The following MYO7A variants were observed in gnomAD, a reference collection of about 807,000 sequenced individuals.
The protein encoded by MYO7A is myosin VIIA.
A neutral mutation model predicts 263.8 loss-of-function variants in MYO7A; 210 were observed. That is an observed-to-expected ratio of 0.80 (90% CI 0.71 to 0.89). The LOEUF (loss-of-function observed/expected upper bound fraction) is 0.89. Among genes scored for constraint, MYO7A ranks in the 40% least tolerant of loss-of-function variants. MYO7A has a pLI of 0.00. For synonymous variants in MYO7A, 1,239 were observed against 1,197.3 expected, an observed-to-expected ratio of 1.03 and a Z score of -0.72; for missense variants, 2,820 against 2,968.3, an observed-to-expected ratio of 0.95 and a Z score of 1.16.
In MYO7A at chr11:77,166,078, C is replaced by T; in HGVS notation, c.1713C>T (p.Asp571=). The T allele has an allele frequency of 6.2e-7, 1 of 1,613,822 alleles. No individual in the cohort carries two copies. Among genetic ancestry groups the T allele is most frequent in the Non-Finnish European group, 8.5e-7 (1 of 1,179,818 alleles). The change falls in exon 15 of 49, where the codon GAC becomes GAT. Residue 571 remains aspartate (D), a synonymous_variant. Coordinates refer to ENST00000409709, the MANE Select transcript of MYO7A (RefSeq NM_000260.4). Reference sequence around the variant, plus strand: ...CAGGCTTCCTGGAGAAGAACCGAGACACCCTGCATGGGGACATTATCCAGC... The same window carrying T: ...CAGGCTTCCTGGAGAAGAACCGAGATACCCTGCATGGGGACATTATCCAGC... The part of the protein sequence containing the change: ...ETQGFLEKNR[D]TLHGDIIQLV...
rs376291076 is a variant in MYO7A at position 77,192,144 on chromosome 11, G to T, written c.4018G>T (p.Ala1340Ser). The T allele has an allele frequency of 6.2e-7, 1 of 1,613,960 alleles. No individual in the cohort carries two copies. Among genetic ancestry groups the T allele is most frequent in the East Asian group, 2.2e-5 (1 of 44,890 alleles). The change falls in exon 31 of 49, where the codon GCC becomes TCC. Residue 1340 changes from alanine (A) to serine (S), a missense_variant. Ala to Ser is a moderately conservative substitution (Grantham distance 99). Transcript: ENST00000409709. ...AKEQGAQERN[A>S]PWRLFFRKEV... Reference sequence around the variant, plus strand: ...GGAGCAGGGCGCCCAGGAGCGCAACGCCCCCTGGAGGCTCTTCTTCCGCAA... The same window carrying T: ...GGAGCAGGGCGCCCAGGAGCGCAACTCCCCCTGGAGGCTCTTCTTCCGCAA...
intron 31 of MYO7A, 25 bp from the exon 32 acceptor site, chr11:77,194,329 A>C (rs1349411717): frequency 1.9e-6 from 3 of 1,604,332 alleles, no homozygotes; most frequent in Non-Finnish European, 2.6e-6. Flanking sequence ...GGGCCAATGC[A>C]TGACCGAGGC....
intron 12 of MYO7A, among the ~76,000 whole-genome samples, 189 bp from the exon 13 acceptor site, chr11:77,161,931 T>G (rs1953037737): frequency 6.6e-6 from 1 of 152,208 alleles, no homozygotes; most frequent in East Asian, 1.9e-4. Context: ...CCTTTGCCCT[T>G]GCTGGGCCTC....
intron 26 of MYO7A, among the ~76,000 whole-genome samples, chr11:77,183,630 G>A (rs1955435746): frequency 6.6e-6 from 1 of 152,190 alleles, no homozygotes; most frequent in Non-Finnish European, 1.5e-5. Flanking sequence ...CCAGGCTGGT[G>A]TGTGTGTGGC....
At chr11:77,144,040 T>G (rs143716326) in intron 3 of MYO7A, among the ~76,000 whole-genome samples, 3 of 152,050 alleles carry the variant, frequency 2.0e-5, no homozygotes, top group Non-Finnish European at 2.9e-5. Context: ...CTGAGGCACA[T>G]AGAGGGACCA....
At chr11:77,129,453 T>C (rs56248452) in intron 1 of MYO7A, among the ~76,000 whole-genome samples, 44,298 of 151,968 alleles carry the variant, frequency 0.29, 6,617 homozygotes, top group East Asian at 0.48. Context: ...AGGAGACAGG[T>C]TGGGAGCCAG....
chr11:77,194,667 C>T (rs935218724), intron 32 of MYO7A, 143 bp downstream of exon 32: 7 of 870,324 alleles, frequency 8.0e-6, no homozygotes, highest in African/African-American at 1.7e-5. Context: ...TGGACATCAG[C>T]TCACTCATTC....
chr11:77,198,482 G>T lies in MYO7A; in HGVS notation c.4442-13G>T. 2 of 1,612,944 alleles carry T rather than the reference G, an allele frequency of 1.2e-6. No homozygotes were observed. Among genetic ancestry groups the T allele is most frequent in the South Asian group, 1.1e-5 (1 of 91,058 alleles). On this transcript the variant is annotated splice_polypyrimidine_tract_variant and intron_variant, in intron 33 of 48. Transcript: ENST00000409709. ...TGGGAGGCCTGCCTCTCAGTGCCTT[G>T]GTCTCGTCCCAGGCCCCAGTCTCCC...
Position 77,179,819 on chromosome 11 carries a change from A to C in MYO7A, c.2452A>C (p.Ile818Leu). ...QQYRLARQRI[I>L]QFQARCRAYL... The stretch of plus-strand genomic sequence containing the variant: ...GTACCGCCTGGCCCGCCAGCGCATC[A>C]TCCAGTTCCAGGCCCGCTGCCGCGC... Residue 818 changes from isoleucine (I) to leucine (L), a missense_variant, in exon 21 of 49, where the codon ATC becomes CTC. By Grantham distance (5) the Ile-to-Leu change is conservative. Transcript: ENST00000409709. 6 of 1,546,646 alleles carry C rather than the reference A, an allele frequency of 3.9e-6. No homozygotes were observed. The highest frequency in any genetic ancestry group is 5.2e-6 in the Non-Finnish European group (6 of 1,148,210).
intron 14 of MYO7A, among the ~76,000 whole-genome samples, chr11:77,163,768 T>C (rs575695502): frequency 6.6e-6 from 1 of 152,334 alleles, no homozygotes; most frequent in East Asian, 1.9e-4. Flanking sequence ...CTCATTTTTA[T>C]GGCTGAATAG....
At chr11:77,152,480 G>A (rs1402146110) in intron 4 of MYO7A, among the ~76,000 whole-genome samples, 1 of 152,202 alleles carries the variant, frequency 6.6e-6, no homozygotes, top group Non-Finnish European at 1.5e-5. Context: ...GGCACTCAGG[G>A]TTACTTCTCC....
At chr11:77,177,512 A>G (rs1555080651) in intron 18 of MYO7A, 37 bp from the exon 19 acceptor site, 1 of 1,533,840 alleles carries the variant, frequency 6.5e-7, no homozygotes, top group Admixed American at 1.8e-5. Flanking sequence ...CCTAGAGGAG[A>G]CCTTGTGGGG....
intron 48 of MYO7A, 49 bp downstream of exon 48, chr11:77,214,028 G>A: frequency 6.2e-7 from 1 of 1,611,412 alleles, no homozygotes; most frequent in Non-Finnish European, 8.5e-7. Flanking sequence ...CTTGCCTGCA[G>A]CGTAGCCAGC....
At position 77,214,609 on chromosome 11, in the gene MYO7A, C is replaced by A; in HGVS notation, c.6561C>A (p.Gly2187=). The change falls in exon 49 of 49, where the codon GGC becomes GGA. Residue 2187 remains glycine (G), a splice_region_variant and synonymous_variant. Coordinates refer to ENST00000409709, the MANE Select transcript of MYO7A (RefSeq NM_000260.4). ...GSKLLCETSL[G]YKMDDLLTSY... ...TATCTTCTCACCCCTGCTTCCAGGG[C>A]TACAAGATGGATGACCTCCTGACTT... is the stretch of plus-strand genomic sequence containing the variant. The A allele has an allele frequency of 1.9e-6, 3 of 1,574,528 alleles. No homozygotes were observed. The highest frequency in any genetic ancestry group is 2.6e-6 in the Non-Finnish European group (3 of 1,158,942).
intron 13 of MYO7A, 43 bp from the exon 14 acceptor site, chr11:77,162,810 A>G (rs1555069989): frequency 1.3e-6 from 2 of 1,596,366 alleles, no homozygotes; most frequent in South Asian, 2.3e-5. Flanking sequence ...AGTGGGGCCC[A>G]TGGAGGAGAG....
intron 25 of MYO7A, 130 bp from the exon 26 acceptor site, chr11:77,182,938 G>A (rs565955240): frequency 4.6e-4 from 381 of 822,034 alleles, no homozygotes; most frequent in Non-Finnish European, 6.8e-4. Flanking sequence ...CAGGTGGACG[G>A]TGGCAGTGTG....
chr11:77,154,527 C>A (rs557439286), intron 4 of MYO7A, among the ~76,000 whole-genome samples: 1 of 152,160 alleles, frequency 6.6e-6, no homozygotes, highest in African/African-American at 2.4e-5. Flanking sequence ...AGACCAACTG[C>A]GGAGGGCGGG....
chr11:77,212,458 T>C, intron 46 of MYO7A: 1 of 349,586 alleles, frequency 2.9e-6, no homozygotes, highest in Non-Finnish European at 5.6e-6. Flanking sequence ...CTGGGTTTCC[T>C]GCAGGGGTGG....
intron 4 of MYO7A, among the ~76,000 whole-genome samples, chr11:77,155,570 T>C (rs1294771687): frequency 6.6e-6 from 1 of 152,264 alleles, no homozygotes; most frequent in Non-Finnish European, 1.5e-5. Context: ...GAGTACCTAG[T>C]GTGTGCCACG....
Sources: allele counts gnomAD v4.1 joint callset (sites outside exome capture counted in the v4.1 genomes callset), GRCh38; gene constraint gnomAD v4.1.1; transcripts MANE v1.5; gene names NCBI Gene and HGNC (gene_info 2026-07-23, HGNC 2026-07-21).